Variants in GPAM observed in about 807,000 individuals in gnomAD.
GPAM encodes the protein glycerol-3-phosphate acyltransferase 1, mitochondrial.
In GPAM, 56 loss-of-function variants were observed where a neutral mutation model predicts 105.0. That is an observed-to-expected ratio of 0.53 (90% confidence interval 0.43 to 0.67). GPAM has a LOEUF of 0.67. Among genes scored for constraint, GPAM ranks in the 30% least tolerant of loss-of-function variants. The pLI is 0.00. For synonymous variants in GPAM, 368 were observed against 354.4 expected, an observed-to-expected ratio of 1.04 and a Z score of -0.43; for missense variants, 855 against 989.8, an observed-to-expected ratio of 0.86 and a Z score of 1.83.
At chr10:112,157,530 T>C (rs1847039644) in intron 18 of GPAM, 141 bp from the exon 19 acceptor site, 2 of 767,820 alleles carry the variant, frequency 2.6e-6, no homozygotes, top group Non-Finnish European at 2.2e-6. Flanking sequence ...TCAGTCCACT[T>C]CCCTTCCAAA....
At chr10:112,182,198 C>T (rs1847521752) in intron 2 of GPAM, among the ~76,000 whole-genome samples, 1 of 152,076 alleles carries the variant, frequency 6.6e-6, no homozygotes, top group African/African-American at 2.4e-5. Flanking sequence ...TAGTCATTTG[C>T]AAATGAAAAT....
At chr10:112,187,412 G>A (rs114823949), upstream of GPAM, among the ~76,000 whole-genome samples, 1,402 of 152,094 alleles carry the variant, frequency 9.2e-3, 20 homozygotes, top group African/African-American at 0.032. Context: ...ATATAGGTGG[G>A]TATATTAATA....
At chr10:112,207,892 A>G (rs7913485) in intron 1 of GPAM, among the ~76,000 whole-genome samples, 31,631 of 152,184 alleles carry the variant, frequency 0.21, 4,305 homozygotes, top group African/African-American at 0.38. Flanking sequence ...AATGCTCCTT[A>G]CAGCTAAATA....
At chr10:112,169,442 T>C (rs1234825574) in intron 9 of GPAM, among the ~76,000 whole-genome samples, 3 of 152,182 alleles carry the variant, frequency 2.0e-5, no homozygotes, top group Non-Finnish European at 4.4e-5. Flanking sequence ...CAAAAACAAT[T>C]TTATCCAACT....
At chr10:112,180,671 G>A (rs1847493296) in intron 3 of GPAM, 76 bp from the exon 4 acceptor site, 5 of 1,347,486 alleles carry the variant, frequency 3.7e-6, no homozygotes, top group Admixed American at 1.7e-5. Context: ...AAAATCTAAA[G>A]TATTTTGAAC....
chr10:112,164,756 C>T (rs1305351803), intron 12 of GPAM, 146 bp from the exon 13 acceptor site: 3 of 654,550 alleles, frequency 4.6e-6, no homozygotes, highest in Non-Finnish European at 8.3e-6. Context: ...ATATCCTAAA[C>T]TGTCTTCAGA....
chr10:112,225,318 G>T, the GPAM span, among the ~76,000 whole-genome samples: 1 of 152,226 alleles, frequency 6.6e-6, no homozygotes, highest in Non-Finnish European at 1.5e-5. Flanking sequence ...GCTGGTTCCT[G>T]GAGGGAAGAG....
intron 1 of GPAM, among the ~76,000 whole-genome samples, chr10:112,204,359 A>G (rs763573476): frequency 6.6e-6 from 1 of 150,490 alleles, no homozygotes; most frequent in Non-Finnish European, 1.5e-5. Flanking sequence ...TGAAATAGAC[A>G]GTTGGGGATT....
chr10:112,221,496 A>G, the GPAM span, among the ~76,000 whole-genome samples: 1 of 152,234 alleles, frequency 6.6e-6, no homozygotes, highest in South Asian at 2.1e-4. Flanking sequence ...GGGAATCTGC[A>G]TTTTAACAGA....
rs747426702 is a variant in GPAM at position 112,155,910 on chromosome 10, C to T, written c.2265G>A (p.Leu755=). The part of the protein sequence containing the change: ...PVPEPEYLQK[L]HKYLITRTER... ...CTGTTCTGGTTATTAGGTATTTGTG[C>T]AACTTTTGCAGATACTCAGGTTCTG... The change falls in exon 20 of 22, where the codon TTG becomes TTA. Residue 755 remains leucine, a synonymous_variant. Transcript: ENST00000348367. 38 of 1,611,652 alleles carry T rather than the reference C, an allele frequency of 2.4e-5. No individual in the cohort carries two copies. In the Admixed American group the frequency reaches 6.2e-4, roughly 26 times the overall value.
chr10:112,158,224 C>A, intron 18 of GPAM, 92 bp downstream of exon 18: 1 of 893,862 alleles, frequency 1.1e-6, no homozygotes, highest in South Asian at 1.3e-5. Context: ...TGCCACCATG[C>A]CTGGCCAATT....
intron 1 of GPAM, among the ~76,000 whole-genome samples, chr10:112,211,929 G>C (rs1210829537): frequency 1.3e-5 from 2 of 152,176 alleles, no homozygotes; most frequent in African/African-American, 4.8e-5. Flanking sequence ...TGGGGACCTT[G>C]GTTTAGACTT....
rs1217123474 is a variant in GPAM, at chr10:112,151,216, C to T, written c.*2334G>A. 3.0e-6 allele frequency: 3 copies of T among 984,624 alleles called. No individual in the cohort carries two copies. The highest frequency in any genetic ancestry group is 4.7e-5 in the South Asian group (1 of 21,252). 61.0% of individuals were successfully genotyped at this position (984,624 alleles called of 1,614,324 possible). A position where few individuals can be genotyped will look rare whatever the true frequency, so the allele number is the denominator to read the frequency against. ...AACTGTAATAAATTATTTACAAGCA[C>T]CTAGTTTGTTTAACCTTATGTGGAA... is the stretch of plus-strand genomic sequence containing the variant. On this transcript the variant is annotated 3_prime_UTR_variant, in exon 22 of 22. Coordinates refer to ENST00000348367, the MANE Select transcript of GPAM (RefSeq NM_001244949.2).
At chr10:112,172,907 G>T (rs897158683) in intron 8 of GPAM, 63 bp downstream of exon 8, 11 of 880,748 alleles carry the variant, frequency 1.2e-5, no homozygotes, top group South Asian at 1.2e-4. Context: ...ATTTCCACAA[G>T]AACCCTAAAA....
intron 17 of GPAM, 35 bp from the exon 18 acceptor site, chr10:112,158,428 C>T (rs766536068): frequency 2.5e-5 from 32 of 1,255,950 alleles, no homozygotes; most frequent in East Asian, 4.6e-5. Flanking sequence ...TAAATGCCAC[C>T]ATTTTATACT....
At chr10:112,185,483 T>G (rs1321735082), upstream of GPAM, among the ~76,000 whole-genome samples, 1 of 82,278 alleles carries the variant, frequency 1.2e-5, no homozygotes, top group Non-Finnish European at 2.5e-5. Context: ...ATGTGAAAAA[T>G]CTTTAAAAAA....
Position 112,151,442 on chromosome 10 carries a change from A to G in GPAM, c.*2108T>C, listed in dbSNP as rs759412272. On this transcript the variant is annotated 3_prime_UTR_variant, in exon 22 of 22. Transcript: ENST00000348367. The stretch of plus-strand genomic sequence containing the variant: ...TGGTTGAGATTTTTCTCCCTTAAAA[A>G]AGATTTTCAAAGCACCAGTTAATTA... The G allele has an allele frequency of 1.4e-5, 14 of 985,698 alleles. No homozygotes were observed. Among genetic ancestry groups the G allele is most frequent in the Non-Finnish European group, 1.6e-5 (13 of 829,886 alleles). The allele number at this position is 985,698 out of a possible 1,614,324, so 61.1% of individuals were successfully genotyped here. A position where few individuals can be genotyped will look rare whatever the true frequency, so the allele number is the denominator to read the frequency against.
In GPAM at chr10:112,152,570, C is replaced by T; in HGVS notation, c.*980G>A. 1 of 985,422 alleles carries T rather than the reference C, an allele frequency of 1.0e-6. No individual in the cohort carries two copies. The highest frequency in any genetic ancestry group is 1.2e-6 in the Non-Finnish European group (1 of 829,928). 61.0% of individuals were successfully genotyped at this position (985,422 alleles called of 1,614,324 possible). A position where few individuals can be genotyped will look rare whatever the true frequency, so the allele number is the denominator to read the frequency against. On this transcript the variant is annotated 3_prime_UTR_variant, in exon 22 of 22. Coordinates refer to ENST00000348367, the MANE Select transcript of GPAM (RefSeq NM_001244949.2). ...TGCAGTACACAATCTGTGTGCAGTA[C>T]AGAAAGCCCTCATCAGCTGTGGCCA...
intron 1 of GPAM, among the ~76,000 whole-genome samples, chr10:112,211,978 C>A (rs1022351400): frequency 2.0e-5 from 3 of 152,148 alleles, no homozygotes; most frequent in Admixed American, 6.5e-5. Context: ...GCTCCAAGAC[C>A]ATTCCCTGAG....
Sources: gnomAD v4.1 joint callset for allele counts (sites outside exome capture counted in the v4.1 genomes callset) on GRCh38, gnomAD v4.1.1 for gene constraint, MANE v1.5 for transcripts, NCBI Gene and HGNC (gene_info 2026-07-23, HGNC 2026-07-21) for gene names.